DNAH8: variants seen among roughly 807,000 people sequenced by gnomAD.
DNAH8 encodes the protein dynein axonemal heavy chain 8.
A neutral mutation model predicts 562.1 loss-of-function variants in DNAH8; 382 were observed. The ratio of observed to expected loss-of-function variants is 0.68; its 90% CI spans 0.63 to 0.74. The LOEUF is 0.74. DNAH8 is among the 30% of genes least tolerant of loss of function. The pLI is 0.00. For synonymous variants in DNAH8, 1,881 were observed against 1,919.4 expected, an observed-to-expected ratio of 0.98 and a Z score of 0.52; for missense variants, 5,203 against 5,620.4, an observed-to-expected ratio of 0.93 and a Z score of 2.37.
intron 92 of DNAH8, 65 bp from the exon 93 acceptor site, chr6:39,030,040 A>G (rs1036800243): frequency 9.0e-6 from 12 of 1,337,030 alleles, no homozygotes; most frequent in Admixed American, 1.9e-5. Context: ...GACAGCCTTT[A>G]TGACTAATTT....
chr6:38,790,715 C>T (rs1395345496), intron 20 of DNAH8, among the ~76,000 whole-genome samples: 3 of 151,610 alleles, frequency 2.0e-5, no homozygotes, highest in Non-Finnish European at 2.9e-5. Flanking sequence ...CCCAGCTACT[C>T]GGGAGTCTGA....
chr6:38,970,614 G>A (rs1206006786), intron 82 of DNAH8, among the ~76,000 whole-genome samples: 1 of 152,136 alleles, frequency 6.6e-6, no homozygotes, highest in Non-Finnish European at 1.5e-5. Context: ...TAAATGGTGT[G>A]TCCTGACAGT....
chr6:39,024,277 A>G (rs1400692972), intron 91 of DNAH8, among the ~76,000 whole-genome samples: 4 of 152,194 alleles, frequency 2.6e-5, no homozygotes, highest in African/African-American at 9.7e-5. Context: ...GTACATTATG[A>G]CCTTGTAGAT....
At chr6:38,959,953 A>T (rs1583458871) in intron 82 of DNAH8, among the ~76,000 whole-genome samples, 1 of 152,142 alleles carries the variant, frequency 6.6e-6, no homozygotes, top group Non-Finnish European at 1.5e-5. Flanking sequence ...GAAACCAGAG[A>T]TAAACCCATG....
At chr6:38,717,870 A>T (rs1762461613) in intron 1 of DNAH8, among the ~76,000 whole-genome samples, 1 of 152,170 alleles carries the variant, frequency 6.6e-6, no homozygotes, top group South Asian at 2.1e-4. Context: ...TAAAGAAAAA[A>T]ATGCTGAGAA....
chr6:38,972,862 C>T (rs1223979130), intron 83 of DNAH8, among the ~76,000 whole-genome samples: 2 of 152,144 alleles, frequency 1.3e-5, no homozygotes, highest in Admixed American at 6.5e-5. Flanking sequence ...TCCTCTGAAA[C>T]CCCAGTTGTA....
At chr6:38,957,951 C>T (rs1014570692) in intron 82 of DNAH8, among the ~76,000 whole-genome samples, 2 of 148,036 alleles carry the variant, frequency 1.4e-5, no homozygotes, top group Non-Finnish European at 3.0e-5. Flanking sequence ...AAATTCAACT[C>T]AAAATTTGAA....
chr6:38,874,100 TTCTCCTTCCTTCCTTCCTCCTTCTC>T (rs200351028), intron 52 of DNAH8, among the ~76,000 whole-genome samples: 2,295 of 60,584 alleles, frequency 0.038, 774 homozygotes, highest in East Asian at 0.27. Flanking sequence ...TTCTTTCTCT[TTCTCCTTCCTTCCTTCCTCCTTCTC>T]TCTTTCTTTC....
chr6:38,885,372 C>T (rs1778843099), intron 56 of DNAH8, among the ~76,000 whole-genome samples: 1 of 152,136 alleles, frequency 6.6e-6, no homozygotes, highest in Non-Finnish European at 1.5e-5. Flanking sequence ...TCCACTGCTA[C>T]CACCTGGCGC....
intron 82 of DNAH8, among the ~76,000 whole-genome samples, chr6:38,969,463 A>G (rs1014386510): frequency 2.0e-5 from 3 of 152,150 alleles, no homozygotes. Context: ...GAAGAAAAGT[A>G]TAAAATATGC....
chr6:38,939,017 T>C (rs200322913), intron 79 of DNAH8, 29 bp downstream of exon 79: 36 of 1,566,430 alleles, frequency 2.3e-5, no homozygotes, highest in Non-Finnish European at 3.0e-5. Flanking sequence ...AGATGTGGTG[T>C]GTGGAGGATG....
chr6:38,956,745 T>C (rs1762270034), intron 82 of DNAH8, among the ~76,000 whole-genome samples: 1 of 152,154 alleles, frequency 6.6e-6, no homozygotes, highest in Non-Finnish European at 1.5e-5. Flanking sequence ...GTAAGCCTCA[T>C]GGTAACCACA....
In DNAH8 at chr6:38,860,635, A is replaced by G. The variant is rs769595911; in HGVS notation, c.6131+6A>G. 1 of 1,494,074 alleles carries G rather than the reference A, an allele frequency of 6.7e-7. No individual in the cohort carries two copies. Among genetic ancestry groups the G allele is most frequent in the South Asian group, 1.4e-5 (1 of 70,486 alleles). 92.6% of individuals were successfully genotyped at this position (1,494,074 alleles called of 1,614,324 possible). ...ATCACTCCATTAACAGATAGGTAGG[A>G]AACCCAGTTTTCGTTTTTTATTTTG... On this transcript the variant is annotated splice_donor_region_variant and intron_variant, in intron 43 of 92. Transcript: ENST00000327475.
intron 26 of DNAH8, among the ~76,000 whole-genome samples, chr6:38,816,679 C>T (rs1173966933): frequency 3.9e-5 from 6 of 152,054 alleles, no homozygotes; most frequent in Admixed American, 6.5e-5. Context: ...CTACAATGGT[C>T]GAACTAATTT....
At chr6:38,979,755 A>G (rs115141453) in intron 85 of DNAH8, among the ~76,000 whole-genome samples, 363 of 152,350 alleles carry the variant, frequency 2.4e-3, no homozygotes, top group African/African-American at 8.6e-3. Flanking sequence ...GTGCATATAA[A>G]TAGGAGTGTT....
chr6:38,989,714 G>T (rs1764651131), intron 87 of DNAH8, among the ~76,000 whole-genome samples: 1 of 152,128 alleles, frequency 6.6e-6, no homozygotes, highest in Non-Finnish European at 1.5e-5. Context: ...TCCTAAAATG[G>T]AATTGAGGGT....
At position 38,922,804 on chromosome 6, in the gene DNAH8, T is replaced by C. The variant is rs533837218; in HGVS notation, c.10663-254T>C. ...AATAGAAATACTATTGTAATTTGTCTGATTAAAAGATAAATTATGTGATTT... is the reference window on the plus strand; with the variant it reads ...AATAGAAATACTATTGTAATTTGTCCGATTAAAAGATAAATTATGTGATTT... On this transcript the variant is annotated intron_variant, in intron 71 of 92. Transcript: ENST00000327475. Among the ~76,000 whole-genome samples the C allele has an allele frequency of 9.2e-5, 14 of 152,348 alleles. No homozygotes were observed. In the South Asian group the frequency reaches 1.9e-3, roughly 20 times the overall value.
chr6:39,023,228 C>T (rs1358591770), intron 91 of DNAH8, among the ~76,000 whole-genome samples: 1 of 152,194 alleles, frequency 6.6e-6, no homozygotes, highest in Non-Finnish European at 1.5e-5. Context: ...TGCAGTGGCT[C>T]ACGACTGTAA....
rs151211156 is a variant in DNAH8 at position 39,030,209 on chromosome 6, C to T, written c.13941C>T (p.Pro4647=). ...STPKVLFTQL[P]VLHIFAINST... ...CCAAGGTACTCTTCACGCAGTTACC[C>T]GTGCTCCACATCTTTGCCATTAACT... Residue 4647 remains proline, a synonymous_variant, in exon 93 of 93, where the codon CCC becomes CCT. Transcript: ENST00000327475. 6.8e-6 allele frequency: 11 copies of T among 1,613,994 alleles called. No individual in the cohort carries two copies. The highest frequency in any genetic ancestry group is 6.7e-5 in the East Asian group (3 of 44,888).
Sources: allele counts gnomAD v4.1 joint callset (sites outside exome capture counted in the v4.1 genomes callset), GRCh38; gene constraint gnomAD v4.1.1; transcripts MANE v1.5; gene names NCBI Gene and HGNC (gene_info 2026-07-23, HGNC 2026-07-21).